Variants in CMIP observed in about 807,000 individuals in gnomAD.
The protein encoded by CMIP is C-Maf-inducing protein.
A neutral mutation model predicts 97.3 loss-of-function variants in CMIP; 13 were observed. That is an observed-to-expected ratio of 0.13 (90% CI 0.09 to 0.21). The LOEUF (loss-of-function observed/expected upper bound fraction) is 0.21. Among genes scored for constraint, CMIP ranks in the 10% least tolerant of loss-of-function variants. CMIP has a pLI of 1.00. For synonymous variants in CMIP, 538 were observed against 436.3 expected, an observed-to-expected ratio of 1.23 and a Z score of -2.91; for missense variants, 847 against 1,024.9, an observed-to-expected ratio of 0.83 and a Z score of 2.37.
Position 81,693,380 on chromosome 16 carries a change from C to T in CMIP, c.1482-59C>T, listed in dbSNP as rs1316504380. ...CCTTGACACCATCCCCTCCCCTTCC[C>T]ACACCTCCCACTCAGTTCCAGACCC... is the stretch of plus-strand genomic sequence containing the variant. On this transcript the variant is annotated intron_variant, in intron 12 of 20. Transcript: ENST00000537098. The T allele has an allele frequency of 5.7e-6, 9 of 1,582,520 alleles. No homozygotes were observed. In the East Asian group the frequency reaches 2.1e-4, roughly 36 times the overall value.
In CMIP at chr16:81,664,312, TC is replaced by T; in HGVS notation, c.789del (p.Phe263LeufsTer21). On this transcript the variant is annotated frameshift_variant, in exon 7 of 21. Coordinates refer to ENST00000537098, the MANE Select transcript of CMIP (RefSeq NM_198390.3). LOFTEE classifies it high-confidence loss of function. ...RPRSMVVIEVFTPVVQRILKH... is the reference protein window; with the variant it reads ...RPRSMVVIEVXTPVVQRILKH... Reference sequence around the variant, plus strand: ...CGGTCCATGGTGGTCATCGAGGTGTTCACCCCCGTGGTGCAGCGAATCCTCA... The same window carrying T: ...CGGTCCATGGTGGTCATCGAGGTGTTACCCCCGTGGTGCAGCGAATCCTCA... 6.2e-7 allele frequency: 1 copy of T among 1,602,080 alleles called. No homozygotes were observed. The highest frequency in any genetic ancestry group is 8.5e-7 in the Non-Finnish European group (1 of 1,174,942).
intron 1 of CMIP, chr16:81,476,105 A>G (rs1907897386): frequency 1.2e-6 from 1 of 830,802 alleles, no homozygotes; most frequent in Non-Finnish European, 2.1e-6. Flanking sequence ...CATGGCCTCC[A>G]CAGTCTTCAC....
At chr16:81,489,830 A>T (rs1020041026) in intron 1 of CMIP, among the ~76,000 whole-genome samples, 1 of 152,238 alleles carries the variant, frequency 6.6e-6, no homozygotes, top group African/African-American at 2.4e-5. Context: ...GCACAGGGGA[A>T]GGAGAGTCTC....
intron 1 of CMIP, among the ~76,000 whole-genome samples, chr16:81,463,320 A>G (rs1907001066): frequency 6.6e-6 from 1 of 152,206 alleles, no homozygotes; most frequent in African/African-American, 2.4e-5. Flanking sequence ...CTAGAGAGGG[A>G]CAGAGTTCCT....
intron 4 of CMIP, among the ~76,000 whole-genome samples, chr16:81,656,877 C>T (rs563770516): frequency 2.0e-5 from 3 of 152,286 alleles, no homozygotes; most frequent in Non-Finnish European, 2.9e-5. Flanking sequence ...ACTCCTCAGC[C>T]TCCCAAAGTG....
intron 1 of CMIP, among the ~76,000 whole-genome samples, chr16:81,562,609 C>T (rs1189025101): frequency 2.0e-5 from 3 of 152,232 alleles, no homozygotes; most frequent in Non-Finnish European, 2.9e-5. Context: ...TAGCCACGCC[C>T]ACGCCCATGC....
chr16:81,634,638 C>T (rs1370630524), intron 3 of CMIP, among the ~76,000 whole-genome samples: 4 of 152,148 alleles, frequency 2.6e-5, no homozygotes, highest in Admixed American at 6.5e-5. Context: ...GGCAGGAGTG[C>T]GCCTTCTCCT....
intron 1 of CMIP, among the ~76,000 whole-genome samples, chr16:81,534,382 CTTTAAAAAAAGA>C (rs1214726791): frequency 6.6e-6 from 1 of 152,004 alleles, no homozygotes; most frequent in Non-Finnish European, 1.5e-5. Flanking sequence ...TGGCATGTGT[CTTTAAAAAAAGA>C]TTGTAAGGGT....
chr16:81,596,203 T>C (rs2091552847), intron 1 of CMIP, among the ~76,000 whole-genome samples: 1 of 152,156 alleles, frequency 6.6e-6, no homozygotes, highest in Non-Finnish European at 1.5e-5. Context: ...AAATCTGATT[T>C]ATTTTTTTAA....
At chr16:81,592,110 C>G (rs948727766) in intron 1 of CMIP, among the ~76,000 whole-genome samples, 1 of 152,148 alleles carries the variant, frequency 6.6e-6, no homozygotes, top group Non-Finnish European at 1.5e-5. Flanking sequence ...AGGCATGAGC[C>G]ACTGCGCCTG....
intron 4 of CMIP, among the ~76,000 whole-genome samples, chr16:81,656,192 C>T (rs1478999051): frequency 1.3e-5 from 2 of 152,214 alleles, no homozygotes; most frequent in Non-Finnish European, 2.9e-5. Context: ...CAGATGCTGA[C>T]CTGGCTTCAC....
intron 12 of CMIP, 115 bp downstream of exon 12, chr16:81,693,299 C>G: frequency 7.1e-7 from 1 of 1,399,808 alleles, no homozygotes; most frequent in Non-Finnish European, 1.0e-6. Flanking sequence ...CTTGGCAGTT[C>G]TCTTGAGACA....
At chr16:81,554,242 C>G (rs2090717562) in intron 1 of CMIP, among the ~76,000 whole-genome samples, 1 of 152,180 alleles carries the variant, frequency 6.6e-6, no homozygotes, top group African/African-American at 2.4e-5. Flanking sequence ...TAACAAATGC[C>G]AGATGTGCAA....
chr16:81,648,987 C>T (rs2092397078), intron 3 of CMIP, among the ~76,000 whole-genome samples: 1 of 152,044 alleles, frequency 6.6e-6, no homozygotes, highest in Admixed American at 6.5e-5. Context: ...ACTGTCTTCT[C>T]TTGCCCGTCT....
chr16:81,494,780 C>T (rs1165866975), intron 1 of CMIP, among the ~76,000 whole-genome samples: 2 of 152,198 alleles, frequency 1.3e-5, no homozygotes, highest in African/African-American at 2.4e-5. Context: ...ATACCCTTGT[C>T]CCCAAACAAC....
At chr16:81,533,414 A>T (rs1023218283) in intron 1 of CMIP, among the ~76,000 whole-genome samples, 1 of 152,206 alleles carries the variant, frequency 6.6e-6, no homozygotes, top group African/African-American at 2.4e-5. Context: ...CACTCAGTAC[A>T]TGGTAGCTAA....
intron 1 of CMIP, among the ~76,000 whole-genome samples, chr16:81,594,920 C>T (rs534882059): frequency 7.3e-5 from 11 of 151,714 alleles, no homozygotes; most frequent in South Asian, 2.1e-4. Flanking sequence ...TGTGAGCCAC[C>T]GCGCCCGGCC....
rs569736566 is a variant in CMIP, at chr16:81,616,762, A to G, written c.427-4114A>G. On this transcript the variant is annotated intron_variant, in intron 2 of 20. Transcript: ENST00000537098. The surrounding 1 kb of genome is among the most constrained non-coding windows in gnomAD (Gnocchi z 4.7). ...GGAAACCCAGATGGCTCTGCCTGGAAGGATGGGGCTGAGAAGAGACTGATG... is the reference window on the plus strand; with the variant it reads ...GGAAACCCAGATGGCTCTGCCTGGAGGGATGGGGCTGAGAAGAGACTGATG... Among the ~76,000 whole-genome samples the G allele has an allele frequency of 1.3e-5, 2 of 152,304 alleles. No individual in the cohort carries two copies. Among genetic ancestry groups the G allele is most frequent in the African/African-American group, 4.8e-5 (2 of 41,580 alleles).
At chr16:81,694,083 G>A (rs1213968227) in intron 13 of CMIP, among the ~76,000 whole-genome samples, 1 of 152,210 alleles carries the variant, frequency 6.6e-6, no homozygotes, top group African/African-American at 2.4e-5. Flanking sequence ...AGGAGGTGCT[G>A]TGCCCCGGGT....
Sources: gnomAD v4.1 joint callset for allele counts (sites outside exome capture counted in the v4.1 genomes callset) on GRCh38, gnomAD v4.1.1 for gene constraint, Gnocchi (gnomAD v3.1) non-coding constraint, MANE v1.5 for transcripts, NCBI Gene and HGNC (gene_info 2026-07-23, HGNC 2026-07-21) for gene names.